PDZD9: variants seen among roughly 807,000 people sequenced by gnomAD.
PDZD9 encodes PDZ domain-containing protein 9.
A neutral mutation model predicts 16.3 loss-of-function variants in PDZD9; 13 were observed. The ratio of observed to expected loss-of-function variants is 0.80; its 90% CI spans 0.52 to 1.27. The LOEUF is 1.27. Among genes scored for constraint, PDZD9 ranks in the 50% most tolerant of loss-of-function variants. PDZD9 has a pLI of 0.00. For missense variants in PDZD9, 288 were observed against 310.9 expected, an observed-to-expected ratio of 0.93 and a Z score of 0.55; for synonymous variants, 120 against 111.0, an observed-to-expected ratio of 1.08 and a Z score of -0.51.
the PDZD9 span, among the ~76,000 whole-genome samples, chr16:21,967,824 G>A: frequency 2.0e-5 from 3 of 152,084 alleles, no homozygotes; most frequent in Admixed American, 1.3e-4. Context: ...AAAGATGGAC[G>A]AGAAGGGTGT....
At chr16:21,977,928 G>A in the PDZD9 span, among the ~76,000 whole-genome samples, 1 of 152,160 alleles carries the variant, frequency 6.6e-6, no homozygotes, top group African/African-American at 2.4e-5. Context: ...ACCAAGAATC[G>A]ATAGGATGCA....
At chr16:21,963,203 T>C in the PDZD9 span, 2 of 185,776 alleles carry the variant, frequency 1.1e-5, no homozygotes, top group Non-Finnish European at 2.3e-5. Context: ...TTGGTCAGAC[T>C]GGAGTTCAGT....
In PDZD9 at chr16:21,984,416, C is replaced by T. The variant is rs140219446; in HGVS notation, c.646G>A (p.Val216Met). 0.01 allele frequency: 16,736 copies of T among 1,614,126 alleles called. 118 individuals are homozygous for T. Among genetic ancestry groups the T allele is most frequent in the Non-Finnish European group, 0.012 (13,983 of 1,179,990 alleles). ...ATCCAGTATGGAGAAGGGGCCCTCA[C>T]TTCTTTCTTGTCGTCTCTGTGAATC... ...VMIHRDDKKE[V>M]RAPSPYWIMV... Residue 216 changes from valine (V) to methionine (M), a missense_variant, in exon 4 of 4, where the codon GTG becomes ATG. Transcript: ENST00000424898.
chr16:21,977,741 G>A, the PDZD9 span, among the ~76,000 whole-genome samples: 1 of 152,218 alleles, frequency 6.6e-6, no homozygotes, highest in African/African-American at 2.4e-5. Context: ...AACTCCAGTG[G>A]TCGTTATGAT....
intron 3 of PDZD9, among the ~76,000 whole-genome samples, chr16:21,986,230 C>T (rs8050019): frequency 0.78 from 118,091 of 152,078 alleles, 47,803 homozygotes; most frequent in Non-Finnish European, 0.89. Context: ...TTCCCTGCCG[C>T]GTTATACATA....
the PDZD9 span, among the ~76,000 whole-genome samples, chr16:21,961,661 TA>T: frequency 9.8e-6 from 1 of 102,154 alleles, no homozygotes; most frequent in Admixed American, 1.0e-4. Context: ...TATATATATA[TA>T]TATATATTTT....
At chr16:21,966,423 T>C in the PDZD9 span, among the ~76,000 whole-genome samples, 5 of 152,122 alleles carry the variant, frequency 3.3e-5, no homozygotes, top group African/African-American at 9.7e-5. Flanking sequence ...AGTGTAGATA[T>C]GTGCGTATAA....
Position 22,001,105 on chromosome 16 carries a change from C to T in PDZD9, c.-58G>A. ...TCCCGGAGCAGAGGCTGGAGTCAGT[C>T]CCAATGCCAACAGTTTCGAACCTTG... On this transcript the variant is annotated 5_prime_UTR_variant, in exon 1 of 4. Transcript: ENST00000424898. 1 of 1,430,314 alleles carries T rather than the reference C, an allele frequency of 7.0e-7. No individual in the cohort carries two copies. The highest frequency in any genetic ancestry group is 9.2e-7 in the Non-Finnish European group (1 of 1,083,770). 88.6% of individuals were successfully genotyped at this position (1,430,314 alleles called of 1,614,324 possible). A position where few individuals can be genotyped will look rare whatever the true frequency, so the allele number is the denominator to read the frequency against.
chr16:21,986,973 A>G (rs569029595), intron 3 of PDZD9, among the ~76,000 whole-genome samples: 1 of 152,364 alleles, frequency 6.6e-6, no homozygotes, highest in East Asian at 1.9e-4. Context: ...GGATGGGGAA[A>G]GCAGTATGAG....
the PDZD9 span, among the ~76,000 whole-genome samples, chr16:21,964,796 A>G: frequency 6.6e-6 from 1 of 152,234 alleles, no homozygotes; most frequent in African/African-American, 2.4e-5. Context: ...GAGGGCAGGC[A>G]TTGTATGTTC....
At chr16:21,977,766 C>T in the PDZD9 span, among the ~76,000 whole-genome samples, 1 of 152,166 alleles carries the variant, frequency 6.6e-6, no homozygotes, top group Middle Eastern at 3.2e-3. Flanking sequence ...TAGTATTGCC[C>T]ACAGGGGAAG....
At chr16:21,961,670 T>TATATATATATA in the PDZD9 span, among the ~76,000 whole-genome samples, 37 of 48,744 alleles carry the variant, frequency 7.6e-4, no homozygotes, top group Non-Finnish European at 1.9e-3. Flanking sequence ...ATATATATAT[T>TATATATATATA]TTAGACAGTC....
chr16:21,971,669 C>G, the PDZD9 span: 4 of 1,570,914 alleles, frequency 2.5e-6, no homozygotes, highest in East Asian at 9.0e-5. Context: ...GGCGTTTCCC[C>G]ACTAGAATAG....
chr16:21,969,088 A>C, the PDZD9 span, among the ~76,000 whole-genome samples: 1 of 152,198 alleles, frequency 6.6e-6, no homozygotes, highest in East Asian at 1.9e-4. Context: ...CCTCACTAAT[A>C]ATTAAGAAAA....
the PDZD9 span, among the ~76,000 whole-genome samples, chr16:21,964,095 T>C: frequency 6.6e-6 from 1 of 152,166 alleles, no homozygotes. Context: ...ACTCAGTGGT[T>C]CAGCATGGGA....
chr16:21,983,566 G>C (rs1483632051), downstream of PDZD9: 1 of 242,752 alleles, frequency 4.1e-6, no homozygotes, highest in Non-Finnish European at 7.8e-6. Context: ...TTGTCATTTT[G>C]GGTGTCAACA....
chr16:21,968,678 T>A, the PDZD9 span: 1 of 1,609,828 alleles, frequency 6.2e-7, no homozygotes, highest in Non-Finnish European at 8.5e-7. Context: ...TGGCTTTGAT[T>A]GGACTTGGTA....
chr16:21,975,365 T>C, the PDZD9 span, among the ~76,000 whole-genome samples: 5 of 152,166 alleles, frequency 3.3e-5, no homozygotes, highest in South Asian at 4.2e-4. Flanking sequence ...GGTCTTAGAA[T>C]TGAGGGCTTC....
At chr16:21,961,365 A>G in the PDZD9 span, 1 of 444,376 alleles carries the variant, frequency 2.3e-6, no homozygotes, top group East Asian at 7.2e-5. Context: ...TGATGAGACC[A>G]CTATACAGCC....
Sources: gnomAD v4.1 joint callset for allele counts (sites outside exome capture counted in the v4.1 genomes callset) on GRCh38, gnomAD v4.1.1 for gene constraint, MANE v1.5 for transcripts, NCBI Gene and HGNC (gene_info 2026-07-23, HGNC 2026-07-21) for gene names.